The following FRK variants were observed in gnomAD, a reference collection of about 807,000 sequenced individuals.
The protein encoded by FRK is fyn related Src family tyrosine kinase, also known as tyrosine-protein kinase FRK.
Under a neutral mutation model 56.4 loss-of-function variants are expected in FRK, and 51 were observed. The ratio of observed to expected loss-of-function variants is 0.90; its 90% CI spans 0.72 to 1.14. The LOEUF (loss-of-function observed/expected upper bound fraction) is 1.14. FRK is among the 50% of genes most tolerant of loss of function. FRK has a pLI of 0.00. For missense variants in FRK, 570 were observed against 601.4 expected, an observed-to-expected ratio of 0.95 and a Z score of 0.55; for synonymous variants, 245 against 217.9, an observed-to-expected ratio of 1.12 and a Z score of -1.10.
chr6:116,040,405 T>C (rs1776668538), intron 1 of FRK, among the ~76,000 whole-genome samples: 1 of 152,158 alleles, frequency 6.6e-6, no homozygotes, highest in Non-Finnish European at 1.5e-5. Flanking sequence ...GTAAATCTAA[T>C]AGCAATCCAT....
chr6:116,073,117 G>T, the FRK span, among the ~76,000 whole-genome samples: 1 of 152,082 alleles, frequency 6.6e-6, no homozygotes, highest in Admixed American at 6.6e-5. Flanking sequence ...GCAGAATTTT[G>T]GTAAGAAGAA....
At chr6:115,982,238 A>C (rs767618799) in intron 2 of FRK, among the ~76,000 whole-genome samples, 3 of 152,078 alleles carry the variant, frequency 2.0e-5, no homozygotes, top group Non-Finnish European at 4.4e-5. Context: ...CTGGTTCTCA[A>C]GCCTTTGAGT....
chr6:116,043,384 A>G (rs966447775), intron 1 of FRK, among the ~76,000 whole-genome samples: 1 of 152,208 alleles, frequency 6.6e-6, no homozygotes, highest in Non-Finnish European at 1.5e-5. Flanking sequence ...CATAACAAAC[A>G]GTCTATCAGA....
At chr6:115,944,134 A>C (rs1231873731) in intron 6 of FRK, 110 bp downstream of exon 6, 2 of 866,850 alleles carry the variant, frequency 2.3e-6, no homozygotes, top group Non-Finnish European at 3.4e-6. Flanking sequence ...TTTATGGACT[A>C]CAGAACTTGG....
intron 3 of FRK, 135 bp downstream of exon 3, chr6:115,968,441 A>G: frequency 1.2e-6 from 1 of 841,380 alleles, no homozygotes; most frequent in Non-Finnish European, 1.9e-6. Context: ...CTCATAGGCC[A>G]TGGTTTGCCT....
intron 1 of FRK, among the ~76,000 whole-genome samples, chr6:116,045,348 A>G (rs1173862606): frequency 6.6e-6 from 1 of 152,252 alleles, no homozygotes; most frequent in Non-Finnish European, 1.5e-5. Context: ...ACAAGGCAAC[A>G]GTAACCAAAA....
At chr6:115,976,572 G>A (rs1773999307) in intron 2 of FRK, among the ~76,000 whole-genome samples, 1 of 152,066 alleles carries the variant, frequency 6.6e-6, no homozygotes, top group Non-Finnish European at 1.5e-5. Flanking sequence ...CATCATCTGG[G>A]CATAGCCTTA....
At chr6:116,074,458 C>T in the FRK span, among the ~76,000 whole-genome samples, 8 of 152,124 alleles carry the variant, frequency 5.3e-5, no homozygotes, top group Admixed American at 5.2e-4. Context: ...CTAACGTAAC[C>T]AGTTGTCTTA....
At chr6:116,072,518 C>T in the FRK span, among the ~76,000 whole-genome samples, 2 of 140,296 alleles carry the variant, frequency 1.4e-5, no homozygotes, top group African/African-American at 5.3e-5. Flanking sequence ...TACATCACTT[C>T]CAGGTTAAAT....
At chr6:115,947,912 C>T (rs17077412) in intron 5 of FRK, among the ~76,000 whole-genome samples, 6,200 of 152,238 alleles carry the variant, frequency 0.041, 340 homozygotes, top group Admixed American at 0.15. Context: ...AAGGTGGTTA[C>T]TAACCGTGAG....
intron 4 of FRK, 88 bp from the exon 5 acceptor site, chr6:115,956,698 C>A: frequency 9.3e-7 from 1 of 1,079,540 alleles, no homozygotes; most frequent in Non-Finnish European, 1.3e-6. Context: ...AAGATTGCCT[C>A]CTGCTTCTCA....
At chr6:115,985,535 T>C (rs1774359224) in intron 2 of FRK, among the ~76,000 whole-genome samples, 8 of 152,158 alleles carry the variant, frequency 5.3e-5, no homozygotes, top group Admixed American at 5.2e-4. Flanking sequence ...TCCACATAAG[T>C]TCTGAGTCAG....
At chr6:116,027,148 G>A (rs1459977424) in intron 1 of FRK, among the ~76,000 whole-genome samples, 2 of 152,044 alleles carry the variant, frequency 1.3e-5, no homozygotes, top group African/African-American at 4.8e-5. Flanking sequence ...GATTTTGAGG[G>A]CTAATGAGAG....
chr6:116,009,398 G>A (rs897518683), intron 1 of FRK, among the ~76,000 whole-genome samples: 9 of 152,198 alleles, frequency 5.9e-5, no homozygotes, highest in African/African-American at 2.2e-4. Flanking sequence ...AAGTCCCCCA[G>A]CTGAATCTAA....
At chr6:116,083,461 G>C in the FRK span, among the ~76,000 whole-genome samples, 1 of 152,210 alleles carries the variant, frequency 6.6e-6, no homozygotes, top group Non-Finnish European at 1.5e-5. Context: ...CATCAGAGGA[G>C]GGGGGAAGCA....
In FRK at chr6:115,932,080, T is replaced by C. The variant is rs999022137; in HGVS notation, c.*10334A>G. 4 of 152,216 alleles carry C rather than the reference T, an allele frequency of 2.6e-5. No individual in the cohort carries two copies. Among genetic ancestry groups the C allele is most frequent in the African/African-American group, 9.6e-5 (4 of 41,466 alleles). The allele number at this position is 152,216 out of a possible 1,614,324, so 9.4% of individuals were successfully genotyped here. ...GGAAATAATTGGGCATCTCTTTTCT[T>C]GTAATTTAATCTTATAACATCTCTG... is the stretch of plus-strand genomic sequence containing the variant. On this transcript the variant is annotated 3_prime_UTR_variant, in exon 8 of 8. Coordinates refer to ENST00000606080, the MANE Select transcript of FRK (RefSeq NM_002031.3).
chr6:115,999,328 A>C (rs769340508), intron 2 of FRK, among the ~76,000 whole-genome samples: 3 of 152,206 alleles, frequency 2.0e-5, no homozygotes, highest in Non-Finnish European at 2.9e-5. Flanking sequence ...AATATTCAAA[A>C]GCGCTGCTGT....
the FRK span, among the ~76,000 whole-genome samples, chr6:116,085,906 A>T: frequency 2.0e-5 from 3 of 152,256 alleles, no homozygotes; most frequent in African/African-American, 7.2e-5. Flanking sequence ...TTTCCAGAAG[A>T]GAATAGTAGT....
chr6:116,011,250 G>A (rs1046691845), intron 1 of FRK, among the ~76,000 whole-genome samples: 7 of 152,112 alleles, frequency 4.6e-5, no homozygotes, highest in East Asian at 1.9e-4. Context: ...CCTCACTGAC[G>A]TGTACAAACT....
Sources: allele counts gnomAD v4.1 joint callset (sites outside exome capture counted in the v4.1 genomes callset), GRCh38; gene constraint gnomAD v4.1.1; transcripts MANE v1.5; gene names NCBI Gene and HGNC (gene_info 2026-07-23, HGNC 2026-07-21).